OR14K1: variants seen among roughly 807,000 people sequenced by gnomAD.
OR14K1 encodes olfactory receptor family 14 subfamily K member 1, also known as olfactory receptor 14K1.
For missense variants in OR14K1, 253 were observed against 174.4 expected (o/e 1.45, Z -2.54); for synonymous variants, 104 against 70.0 (o/e 1.49, Z -2.42).
At position 247,738,688 on chromosome 1, in the gene OR14K1, A is replaced by C. The variant is rs759902594; in HGVS notation, c.74A>C (p.His25Pro). 7.7e-6 allele frequency: 6 copies of C among 780,738 alleles called. No individual in the cohort carries two copies. Among genetic ancestry groups the C allele is most frequent in the African/African-American group, 1.7e-5 (1 of 59,146 alleles). The allele number at this position is 780,738 out of a possible 1,614,324, so 48.4% of individuals were successfully genotyped here. Residue 25 changes from histidine (H) to proline (P), a missense_variant, in exon 1 of 1, where the codon CAT becomes CCT. By Grantham distance (77) the His-to-Pro change is moderately conservative. Coordinates refer to ENST00000283225, the MANE Select transcript of OR14K1 (RefSeq NM_001004732.2). ...GAGAATTGGGTGCTCCTGAGGCTGC[A>C]TGCTTTGCTCTTCTCACTGATCTAC... is the stretch of plus-strand genomic sequence containing the variant. ...FTENWVLLRLHALLFSLIYLT... is the reference protein window; with the variant it reads ...FTENWVLLRLPALLFSLIYLT...
rs931804740 is a variant in OR14K1, at chr1:247,738,783, A to G, written c.169A>G (p.Met57Val). The G allele has an allele frequency of 3.8e-6, 3 of 780,792 alleles. No individual in the cohort carries two copies. The highest frequency in any genetic ancestry group is 3.4e-5 in the Admixed American group (2 of 59,034). The allele number at this position is 780,792 out of a possible 1,614,324, so 48.4% of individuals were successfully genotyped here. A position where few individuals can be genotyped will look rare whatever the true frequency, so the allele number is the denominator to read the frequency against. Residue 57 changes from methionine to valine, a missense_variant, in exon 1 of 1, where the codon ATG becomes GTG. Met to Val is a conservative substitution (Grantham distance 21, BLOSUM62 1). Transcript: ENST00000283225. ...TCTGGACCATCGTCTCCACATGGCA[A>G]TGTACTTTTTCCTCCGACATTTGTC... Reference protein sequence around the residue: ...MILDHRLHMAMYFFLRHLSFL... With the variant: ...MILDHRLHMAVYFFLRHLSFL...
Position 247,739,281 on chromosome 1 carries a change from G to A in OR14K1, c.667G>A (p.Val223Met). Residue 223 changes from valine to methionine, a missense_variant, in exon 1 of 1, where the codon GTG (valine) becomes ATG (methionine). Val to Met is a conservative substitution (Grantham distance 21). Transcript: ENST00000283225. ...VVSYVYIFSA[V>M]LRISQRQRQS... ...TTCCTATGTGTACATTTTCTCTGCT[G>A]TGTTAAGGATATCACAGAGACAGAG... The A allele has an allele frequency of 1.3e-6, 1 of 780,818 alleles. No homozygotes were observed. The highest frequency in any genetic ancestry group is 2.3e-4 in the Middle Eastern group (1 of 4,442). 48.4% of individuals were successfully genotyped at this position (780,818 alleles called of 1,614,324 possible). A position where few individuals can be genotyped will look rare whatever the true frequency, so the allele number is the denominator to read the frequency against.
the OR14K1 span, chr1:247,739,203 AGTGT>A: frequency 1.3e-6 from 1 of 780,836 alleles, no homozygotes; most frequent in East Asian, 2.4e-5. Context: ...CATTAGTGTC[AGTGT>A]GGCCATTGGG....
At position 247,739,204 on chromosome 1, in the gene OR14K1, G is replaced by A; in HGVS notation, c.590G>A (p.Ser197Asn). The change falls in exon 1 of 1, where the codon AGT (serine) becomes AAT (asparagine). Residue 197 changes from serine to asparagine, a missense_variant. Coordinates refer to ENST00000283225, the MANE Select transcript of OR14K1 (RefSeq NM_001004732.2). The part of the protein sequence containing the change: ...CSKEHAIISV[S>N]VAIGVCYAFS... ...AAAGAACATGCCATCATTAGTGTCAGTGTGGCCATTGGGGTCTGTTATGCA... is the reference window on the plus strand; with the variant it reads ...AAAGAACATGCCATCATTAGTGTCAATGTGGCCATTGGGGTCTGTTATGCA... 1.3e-6 allele frequency: 1 copy of A among 780,856 alleles called. No homozygotes were observed. Among genetic ancestry groups the A allele is most frequent in the Middle Eastern group, 2.3e-4 (1 of 4,442 alleles). The allele number at this position is 780,856 out of a possible 1,614,324, so 48.4% of individuals were successfully genotyped here.
chr1:247,738,737 A>G lies in OR14K1; in HGVS notation c.123A>G (p.Leu41=), dbSNP rs762767483. ...LIYLTAVLMN[L]VIILLMILDH... ...ACCTCACGGCTGTGCTGATGAATTT[A>G]GTCATCATTCTCCTCATGATTCTGG... The change falls in exon 1 of 1, where the codon TTA becomes TTG. Residue 41 remains leucine (L), a synonymous_variant. Coordinates refer to ENST00000283225, the MANE Select transcript of OR14K1 (RefSeq NM_001004732.2). 5 of 780,768 alleles carry G rather than the reference A, an allele frequency of 6.4e-6. No individual in the cohort carries two copies. Among genetic ancestry groups the G allele is most frequent in the South Asian group, 4.0e-5 (3 of 74,612 alleles). The allele number at this position is 780,768 out of a possible 1,614,324, so 48.4% of individuals were successfully genotyped here. A position where few individuals can be genotyped will look rare whatever the true frequency, so the allele number is the denominator to read the frequency against.
At position 247,738,989 on chromosome 1, in the gene OR14K1, C is replaced by T. The variant is rs1210998942; in HGVS notation, c.375C>T (p.Cys125=). Residue 125 remains cysteine (C), a synonymous_variant, in exon 1 of 1, where the codon TGC becomes TGT. Transcript: ENST00000283225. The part of the protein sequence containing the change: ...AMSYDRYAAI[C]CPLHCEAVMS... The stretch of plus-strand genomic sequence containing the variant: ...CCTATGACCGCTATGCTGCCATCTG[C>T]TGCCCCCTACACTGTGAGGCTGTCA... 1 of 780,640 alleles carries T rather than the reference C, an allele frequency of 1.3e-6. No homozygotes were observed. Among genetic ancestry groups the T allele is most frequent in the African/African-American group, 1.7e-5 (1 of 59,102 alleles). 48.4% of individuals were successfully genotyped at this position (780,640 alleles called of 1,614,324 possible).
At position 247,738,635 on chromosome 1, in the gene OR14K1, G is replaced by A; in HGVS notation, c.21G>A (p.Met7Ile). The A allele has an allele frequency of 1.3e-6, 1 of 780,048 alleles. No homozygotes were observed. Among genetic ancestry groups the A allele is most frequent in the Non-Finnish European group, 2.4e-6 (1 of 417,584 alleles). 48.3% of individuals were successfully genotyped at this position (780,048 alleles called of 1,614,324 possible). A position where few individuals can be genotyped will look rare whatever the true frequency, so the allele number is the denominator to read the frequency against. Residue 7 changes from methionine (M) to isoleucine (I), a missense_variant, in exon 1 of 1, where the codon ATG becomes ATA. By Grantham distance (10) the Met-to-Ile change is conservative. Coordinates refer to ENST00000283225, the MANE Select transcript of OR14K1 (RefSeq NM_001004732.2). ...GAACTATGACCAATCAGACACAGAT[G>A]ATGGAATTCTTGCTTGTGAGATTTA... MTNQTQ[M>I]MEFLLVRFTE...
chr1:247,739,460 C>T lies in OR14K1; in HGVS notation c.846C>T (p.Thr282=), dbSNP rs1321213802. ...TGTTCTATTCTGTCGCACCTCCAAC[C>T]TTGAACCCTGTTATCTACTGTCTGA... ...VSVFYSVAPP[T]LNPVIYCLKN... Residue 282 remains threonine (T), a synonymous_variant, in exon 1 of 1, where the codon ACC becomes ACT. Transcript: ENST00000283225. 1.3e-6 allele frequency: 1 copy of T among 780,824 alleles called. No individual in the cohort carries two copies. The highest frequency in any genetic ancestry group is 2.4e-6 in the Non-Finnish European group (1 of 417,958). The allele number at this position is 780,824 out of a possible 1,614,324, so 48.4% of individuals were successfully genotyped here.
In OR14K1 at chr1:247,738,972, C is replaced by T. The variant is rs774236959; in HGVS notation, c.358C>T (p.Arg120Cys). Residue 120 changes from arginine to cysteine, a missense_variant, in exon 1 of 1, where the codon CGC becomes TGC. By Grantham distance (180) the Arg-to-Cys change is radical. Transcript: ENST00000283225. ...CATCCTTACTGCCATGTCCTATGAC[C>T]GCTATGCTGCCATCTGCTGCCCCCT... ...IGILTAMSYD[R>C]YAAICCPLHC... is the part of the protein sequence containing the mutation. 1.4e-5 allele frequency: 11 copies of T among 780,562 alleles called. No individual in the cohort carries two copies. Among genetic ancestry groups the T allele is most frequent in the East Asian group, 4.8e-5 (2 of 41,252 alleles). 48.4% of individuals were successfully genotyped at this position (780,562 alleles called of 1,614,324 possible).
rs1462371986 is a variant in OR14K1 at position 247,739,446 on chromosome 1, G to T, written c.832G>T (p.Val278Phe). Residue 278 changes from valine to phenylalanine, a missense_variant, in exon 1 of 1, where the codon GTC (valine) becomes TTC (phenylalanine). By Grantham distance (50) the Val-to-Phe change is conservative (BLOSUM62 -1). Coordinates refer to ENST00000283225, the MANE Select transcript of OR14K1 (RefSeq NM_001004732.2). ...LDLLVSVFYS[V>F]APPTLNPVIY... ...CTTGCTGGTGTCTGTGTTCTATTCT[G>T]TCGCACCTCCAACCTTGAACCCTGT... The T allele has an allele frequency of 1.3e-6, 1 of 780,738 alleles. No individual in the cohort carries two copies. Among genetic ancestry groups the T allele is most frequent in the East Asian group, 2.4e-5 (1 of 41,232 alleles). 48.4% of individuals were successfully genotyped at this position (780,738 alleles called of 1,614,324 possible). A position where few individuals can be genotyped will look rare whatever the true frequency, so the allele number is the denominator to read the frequency against.
rs772590845 is a variant in OR14K1 at position 247,739,418 on chromosome 1, A to G, written c.804A>G (p.Leu268=). 2 of 780,734 alleles carry G rather than the reference A, an allele frequency of 2.6e-6. No homozygotes were observed. Among genetic ancestry groups the G allele is most frequent in the East Asian group, 4.9e-5 (2 of 41,224 alleles). 48.4% of individuals were successfully genotyped at this position (780,734 alleles called of 1,614,324 possible). The change falls in exon 1 of 1, where the codon CTA becomes CTG. Residue 268 remains leucine (L), a synonymous_variant. Coordinates refer to ENST00000283225, the MANE Select transcript of OR14K1 (RefSeq NM_001004732.2). The part of the protein sequence containing the change: ...LKPGSDAPSI[L]DLLVSVFYSV... The stretch of plus-strand genomic sequence containing the variant: ...CAGGGTCTGATGCACCTTCTATTCT[A>G]GACTTGCTGGTGTCTGTGTTCTATT...
Position 247,739,494 on chromosome 1 carries a change from G to A in OR14K1, c.880G>A (p.Asp294Asn). Residue 294 changes from aspartate (D) to asparagine (N), a missense_variant, in exon 1 of 1, where the codon GAC becomes AAC. Asp to Asn is a conservative substitution (Grantham distance 23). Transcript: ENST00000283225. ...TGTTATCTACTGTCTGAAGAACAAGGACATTAAATCCGCTCTGAGTAAAGT... is the reference window on the plus strand; with the variant it reads ...TGTTATCTACTGTCTGAAGAACAAGAACATTAAATCCGCTCTGAGTAAAGT... The part of the protein sequence containing the change: ...NPVIYCLKNK[D>N]IKSALSKVLW... 1.3e-6 allele frequency: 1 copy of A among 780,812 alleles called. No individual in the cohort carries two copies. The highest frequency in any genetic ancestry group is 2.4e-6 in the Non-Finnish European group (1 of 417,964). 48.4% of individuals were successfully genotyped at this position (780,812 alleles called of 1,614,324 possible). A position where few individuals can be genotyped will look rare whatever the true frequency, so the allele number is the denominator to read the frequency against.
In OR14K1 at chr1:247,739,146, G is replaced by A. The variant is rs61731398; in HGVS notation, c.532G>A (p.Asp178Asn). Reference protein sequence around the residue: ...GSDELHQFFCDVPALLKLTCS... With the variant: ...GSDELHQFFCNVPALLKLTCS... ...TGATGAGCTACATCAGTTCTTCTGC[G>A]ATGTCCCTGCCCTACTAAAGCTCAC... is the stretch of plus-strand genomic sequence containing the variant. The change falls in exon 1 of 1, where the codon GAT becomes AAT. Residue 178 changes from aspartate to asparagine, a missense_variant. By Grantham distance (23) the Asp-to-Asn change is conservative. Transcript: ENST00000283225. 4.8e-3 allele frequency: 3,778 copies of A among 780,732 alleles called. 101 individuals carry two copies. In the African/African-American group the frequency reaches 0.055, roughly 11 times the overall value. 48.4% of individuals were successfully genotyped at this position (780,732 alleles called of 1,614,324 possible). A position where few individuals can be genotyped will look rare whatever the true frequency, so the allele number is the denominator to read the frequency against.
chr1:247,738,742 T>C lies in OR14K1; in HGVS notation c.128T>C (p.Ile43Thr), dbSNP rs765921354. 1 of 780,834 alleles carries C rather than the reference T, an allele frequency of 1.3e-6. No homozygotes were observed. The highest frequency in any genetic ancestry group is 2.4e-5 in the East Asian group (1 of 41,256). The allele number at this position is 780,834 out of a possible 1,614,324, so 48.4% of individuals were successfully genotyped here. A position where few individuals can be genotyped will look rare whatever the true frequency, so the allele number is the denominator to read the frequency against. Residue 43 changes from isoleucine to threonine, a missense_variant, in exon 1 of 1, where the codon ATC becomes ACC. By Grantham distance (89) the Ile-to-Thr change is moderately conservative. Transcript: ENST00000283225. The stretch of plus-strand genomic sequence containing the variant: ...ACGGCTGTGCTGATGAATTTAGTCA[T>C]CATTCTCCTCATGATTCTGGACCAT... ...YLTAVLMNLV[I>T]ILLMILDHRL...
At chr1:247,738,798 C>T in the OR14K1 span, 22 of 780,674 alleles carry the variant, frequency 2.8e-5, no homozygotes, top group Non-Finnish European at 4.8e-5. Flanking sequence ...CTTTTTCCTC[C>T]GACATTTGTC....
In OR14K1 at chr1:247,739,445, T is replaced by G; in HGVS notation, c.831T>G (p.Ser277=). The G allele has an allele frequency of 1.3e-6, 1 of 780,860 alleles. No homozygotes were observed. Among genetic ancestry groups the G allele is most frequent in the East Asian group, 2.4e-5 (1 of 41,234 alleles). The allele number at this position is 780,860 out of a possible 1,614,324, so 48.4% of individuals were successfully genotyped here. A position where few individuals can be genotyped will look rare whatever the true frequency, so the allele number is the denominator to read the frequency against. The change falls in exon 1 of 1, where the codon TCT becomes TCG. Residue 277 remains serine, a synonymous_variant. Transcript: ENST00000283225. ...ILDLLVSVFY[S]VAPPTLNPVI... ...ACTTGCTGGTGTCTGTGTTCTATTC[T>G]GTCGCACCTCCAACCTTGAACCCTG...
At position 247,738,949 on chromosome 1, in the gene OR14K1, T is replaced by G. The variant is rs768745276; in HGVS notation, c.335T>G (p.Ile112Ser). 2.6e-6 allele frequency: 2 copies of G among 780,694 alleles called. No homozygotes were observed. The highest frequency in any genetic ancestry group is 2.7e-5 in the South Asian group (2 of 74,586). 48.4% of individuals were successfully genotyped at this position (780,694 alleles called of 1,614,324 possible). Residue 112 changes from isoleucine to serine, a missense_variant, in exon 1 of 1, where the codon ATC becomes AGC. Ile to Ser is a moderately radical substitution (Grantham distance 142). Coordinates refer to ENST00000283225, the MANE Select transcript of OR14K1 (RefSeq NM_001004732.2). ...VVLLAGSEIG[I>S]LTAMSYDRYA... ...CTGCTGGCTGGATCAGAGATTGGCA[T>G]CCTTACTGCCATGTCCTATGACCGC...
Position 247,739,240 on chromosome 1 carries a change from T to C in OR14K1, c.626T>C (p.Leu209Ser), listed in dbSNP as rs767645719. ...AIGVCYAFSC[L>S]VCIVVSYVYI... ...GGGGTCTGTTATGCATTTTCATGTT[T>C]AGTTTGCATTGTAGTTTCCTATGTG... The change falls in exon 1 of 1, where the codon TTA (leucine) becomes TCA (serine). Residue 209 changes from leucine (L) to serine (S), a missense_variant. Transcript: ENST00000283225. The C allele has an allele frequency of 1.3e-6, 1 of 780,936 alleles. No individual in the cohort carries two copies. The highest frequency in any genetic ancestry group is 2.4e-6 in the Non-Finnish European group (1 of 417,998). The allele number at this position is 780,936 out of a possible 1,614,324, so 48.4% of individuals were successfully genotyped here.
rs565504608 is a variant in OR14K1 at position 247,739,458 on chromosome 1, A to G, written c.844A>G (p.Thr282Ala). ...VSVFYSVAPP[T>A]LNPVIYCLKN... Reference sequence around the variant, plus strand: ...TGTGTTCTATTCTGTCGCACCTCCAACCTTGAACCCTGTTATCTACTGTCT... The same window carrying G: ...TGTGTTCTATTCTGTCGCACCTCCAGCCTTGAACCCTGTTATCTACTGTCT... The change falls in exon 1 of 1, where the codon ACC becomes GCC. Residue 282 changes from threonine (T) to alanine (A), a missense_variant. Coordinates refer to ENST00000283225, the MANE Select transcript of OR14K1 (RefSeq NM_001004732.2). The G allele has an allele frequency of 3.8e-6, 3 of 780,742 alleles. No individual in the cohort carries two copies. The highest frequency in any genetic ancestry group is 2.4e-5 in the East Asian group (1 of 41,228). 48.4% of individuals were successfully genotyped at this position (780,742 alleles called of 1,614,324 possible).
Sources: gnomAD v4.1 joint callset for allele counts on GRCh38, gnomAD v4.1.1 for gene constraint, MANE v1.5 for transcripts, NCBI Gene and HGNC (gene_info 2026-07-23, HGNC 2026-07-21) for gene names.